The following PPFIA2 variants were observed in gnomAD, a reference collection of about 807,000 sequenced individuals.
PPFIA2 encodes PPFI scaffold protein A2.
PPFIA2 carries 46 observed loss-of-function variants against 175.5 expected under a neutral mutation model. The ratio of observed to expected loss-of-function variants is 0.26; its 90% CI spans 0.21 to 0.34. The LOEUF is 0.34. PPFIA2 is among the 10% of genes least tolerant of loss of function. PPFIA2 has a pLI of 1.00. For synonymous variants in PPFIA2, 568 were observed against 511.4 expected (o/e 1.11, Z -1.49); for missense variants, 1,179 against 1,506.1 (o/e 0.78, Z 3.60).
intron 3 of PPFIA2, among the ~76,000 whole-genome samples, chr12:81,703,388 T>C (rs1014393178): frequency 6.6e-6 from 1 of 152,096 alleles, no homozygotes; most frequent in Non-Finnish European, 1.5e-5. Context: ...TAGTCATCCT[T>C]GATTTTTATT....
At chr12:81,285,516 A>T (rs1017353695) in intron 24 of PPFIA2, among the ~76,000 whole-genome samples, 8 of 152,104 alleles carry the variant, frequency 5.3e-5, no homozygotes, top group Non-Finnish European at 8.8e-5. Context: ...ATACATACAT[A>T]TATACAGTCA....
Position 81,358,112 on chromosome 12 carries a change from G to T in PPFIA2, c.1743C>A (p.Gly581=), listed in dbSNP as rs1169430515. The change falls in exon 16 of 33, where the codon GGC becomes GGA. Residue 581 remains glycine (G), a synonymous_variant. Coordinates refer to ENST00000549396, the MANE Select transcript of PPFIA2 (RefSeq NM_003625.5). ...TTKVIRRPRR[G]RMGVRRDEPK... is the part of the protein sequence containing the mutation. ...GCTCATCTCTTCGCACACCCATGCG[G>T]CCTCTCCTTGGTCTTCTTATTACTT... 4 of 1,605,244 alleles carry T rather than the reference G, an allele frequency of 2.5e-6. No homozygotes were observed. The highest frequency in any genetic ancestry group is 3.4e-6 in the Non-Finnish European group (4 of 1,175,644).
chr12:81,266,657 A>G (rs181581883), intron 30 of PPFIA2, among the ~76,000 whole-genome samples: 1 of 152,164 alleles, frequency 6.6e-6, no homozygotes, highest in African/African-American at 2.4e-5. Context: ...ACTTTTTTCT[A>G]ATTTTTTAAA....
At chr12:81,707,922 A>G (rs2077403943) in intron 3 of PPFIA2, among the ~76,000 whole-genome samples, 1 of 150,730 alleles carries the variant, frequency 6.6e-6, no homozygotes, top group Admixed American at 6.6e-5. Context: ...TATCGCAAGA[A>G]CAAAAAACCA....
At chr12:81,558,831 G>A (rs751391430) in intron 4 of PPFIA2, among the ~76,000 whole-genome samples, 2 of 152,082 alleles carry the variant, frequency 1.3e-5, no homozygotes, top group Non-Finnish European at 1.5e-5. Flanking sequence ...TATATGTTAC[G>A]AATATGTGTG....
At chr12:81,482,826 A>G (rs549540675) in intron 4 of PPFIA2, among the ~76,000 whole-genome samples, 4 of 152,186 alleles carry the variant, frequency 2.6e-5, no homozygotes, top group African/African-American at 9.6e-5. Flanking sequence ...CCACCATGGC[A>G]CATGTGTACT....
At chr12:81,389,809 C>T (rs2039767566) in intron 8 of PPFIA2, among the ~76,000 whole-genome samples, 3 of 152,034 alleles carry the variant, frequency 2.0e-5, no homozygotes, top group Admixed American at 2.0e-4. Context: ...ATATAATTTA[C>T]ACGCCATAAA....
intron 4 of PPFIA2, chr12:81,598,496 C>A: frequency 5.2e-6 from 2 of 386,328 alleles, no homozygotes; most frequent in Non-Finnish European, 7.1e-6. Flanking sequence ...CCTCTTCTGA[C>A]TAACCTGAAG....
At chr12:81,343,184 C>T (rs969306665) in intron 19 of PPFIA2, among the ~76,000 whole-genome samples, 1 of 151,984 alleles carries the variant, frequency 6.6e-6, no homozygotes, top group African/African-American at 2.4e-5. Flanking sequence ...ATTTATTTAA[C>T]TCGTTCCCCG....
At chr12:81,580,163 A>C (rs1489989432) in intron 4 of PPFIA2, among the ~76,000 whole-genome samples, 3 of 151,888 alleles carry the variant, frequency 2.0e-5, no homozygotes, top group East Asian at 1.9e-4. Flanking sequence ...ATAGTACTGT[A>C]AGTACACCTG....
chr12:81,402,414 T>C (rs2042239784), intron 8 of PPFIA2, among the ~76,000 whole-genome samples: 1 of 152,188 alleles, frequency 6.6e-6, no homozygotes, highest in Admixed American at 6.5e-5. Flanking sequence ...TTAATATACC[T>C]TGAATAATCA....
At chr12:81,433,334 G>T (rs1046061570) in intron 7 of PPFIA2, among the ~76,000 whole-genome samples, 2 of 152,080 alleles carry the variant, frequency 1.3e-5, no homozygotes, top group East Asian at 3.9e-4. Context: ...AGTCTTCTCC[G>T]ATCCTTTGGC....
chr12:81,503,002 A>C (rs2147469585), intron 4 of PPFIA2, among the ~76,000 whole-genome samples: 1 of 152,248 alleles, frequency 6.6e-6, no homozygotes, highest in South Asian at 2.1e-4. Flanking sequence ...GAGGAAGAGA[A>C]AGAGAATTCA....
In PPFIA2 at chr12:81,265,291, C is replaced by CAAAA. The variant is rs571821814; in HGVS notation, c.3555+1657_3555+1660dup. Among the ~76,000 whole-genome samples, 263 of 69,944 alleles carry CAAAA rather than the reference C, an allele frequency of 3.8e-3. 11 individuals are homozygous for CAAAA. The highest frequency in any genetic ancestry group is 0.015 in the African/African-American group (245 of 15,904). The allele number at this position is 69,944 out of a possible 152,430, so 45.9% of individuals were successfully genotyped here. ...CTGGGCAACAAGAGCGAAACTCTGT[C>CAAAA]AAAAAAAAAAAAAAAAAAAAAAAAA... is the stretch of plus-strand genomic sequence containing the variant. On this transcript the variant is annotated intron_variant, in intron 30 of 32. Transcript: ENST00000549396.
intron 7 of PPFIA2, among the ~76,000 whole-genome samples, chr12:81,433,826 T>C (rs1054384330): frequency 9.2e-5 from 14 of 152,136 alleles, no homozygotes; most frequent in African/African-American, 3.4e-4. Context: ...GTAAACTAAC[T>C]ACATAGGCTT....
chr12:81,451,777 T>C (rs2052630513), intron 5 of PPFIA2, among the ~76,000 whole-genome samples: 2 of 152,164 alleles, frequency 1.3e-5, no homozygotes, highest in Admixed American at 6.6e-5. Context: ...TTATTCAGAT[T>C]GAAGAATATG....
chr12:81,657,393 G>C (rs747166028), intron 4 of PPFIA2, among the ~76,000 whole-genome samples: 4 of 152,128 alleles, frequency 2.6e-5, no homozygotes, highest in Non-Finnish European at 5.9e-5. Flanking sequence ...GGGGTCCATG[G>C]AGAAGCAACA....
chr12:81,745,957 A>G (rs912547821), intron 3 of PPFIA2, among the ~76,000 whole-genome samples: 10 of 106,878 alleles, frequency 9.4e-5, no homozygotes, highest in South Asian at 3.1e-4. Context: ...CAGCTTTCCA[A>G]AACAAAAGTA....
At chr12:81,401,037 A>G (rs1167180777) in intron 8 of PPFIA2, among the ~76,000 whole-genome samples, 1 of 152,130 alleles carries the variant, frequency 6.6e-6, no homozygotes, top group African/African-American at 2.4e-5. Context: ...ATCAGTTCAA[A>G]TCCCACCATC....
Sources: gnomAD v4.1 joint callset for allele counts (sites outside exome capture counted in the v4.1 genomes callset) on GRCh38, gnomAD v4.1.1 for gene constraint, MANE v1.5 for transcripts, NCBI Gene and HGNC (gene_info 2026-07-23, HGNC 2026-07-21) for gene names.